Variants in DOCK3 observed in about 807,000 individuals in gnomAD.
The protein encoded by DOCK3 is dedicator of cytokinesis protein 3.
In DOCK3, 60 loss-of-function variants were observed where a neutral mutation model predicts 265.6. That is an observed-to-expected ratio of 0.23 (90% confidence interval 0.18 to 0.28). The LOEUF (loss-of-function observed/expected upper bound fraction) is 0.28. Ranked by LOEUF, DOCK3 falls within the 10% of genes least tolerant of loss-of-function variation. The pLI is 1.00. For missense variants in DOCK3, 1,981 were observed against 2,594.3 expected (o/e 0.76, Z 5.14); for synonymous variants, 881 against 938.0 (o/e 0.94, Z 1.11).
chr3:51,316,933 T>G (rs989677948), intron 32 of DOCK3, among the ~76,000 whole-genome samples: 13 of 152,198 alleles, frequency 8.5e-5, no homozygotes, highest in Non-Finnish European at 1.8e-4. Flanking sequence ...AACAATATCT[T>G]TCTTAGAACA....
At chr3:51,312,139 A>G (rs998560545) in intron 29 of DOCK3, 60 bp downstream of exon 29, 12 of 1,443,754 alleles carry the variant, frequency 8.3e-6, no homozygotes, top group Non-Finnish European at 1.1e-5. Flanking sequence ...GCCAAAACCA[A>G]GCTCACTTGT....
chr3:50,992,559 A>C (rs777453701), intron 5 of DOCK3, among the ~76,000 whole-genome samples: 8 of 152,348 alleles, frequency 5.3e-5, no homozygotes, highest in Admixed American at 3.9e-4. Flanking sequence ...AGCCTCCCAA[A>C]GTGCTGGGAT....
rs1445293818 is a variant in DOCK3 at position 50,766,857 on chromosome 3, A to G, written c.38-11818A>G. 2.0e-5 allele frequency among the ~76,000 whole-genome samples: 3 copies of G among 152,150 alleles called. No individual in the cohort carries two copies. In the East Asian group the frequency reaches 5.8e-4, roughly 29 times the overall value. ...GTATCTCATTGTGGTTTTGATTTGC[A>G]TTTCTCTTATGACCAGTGATGAAGA... On this transcript the variant is annotated intron_variant, in intron 1 of 52. Transcript: ENST00000266037.
intron 27 of DOCK3, among the ~76,000 whole-genome samples, chr3:51,292,999 T>G (rs959360347): frequency 5.9e-5 from 9 of 152,186 alleles, no homozygotes. Context: ...TGGACAGATA[T>G]CTCATGTTTA....
intron 12 of DOCK3, among the ~76,000 whole-genome samples, chr3:51,179,630 T>C (rs1433058255): frequency 6.6e-6 from 1 of 152,168 alleles, no homozygotes; most frequent in Non-Finnish European, 1.5e-5. Context: ...GTAGTGTGGA[T>C]AAAAGTGCCA....
intron 23 of DOCK3, among the ~76,000 whole-genome samples, chr3:51,267,368 G>A (rs1185666078): frequency 1.3e-5 from 2 of 150,796 alleles, no homozygotes; most frequent in South Asian, 2.1e-4. Context: ...ACATGCGCAC[G>A]TATGGTTTTT....
intron 38 of DOCK3, among the ~76,000 whole-genome samples, chr3:51,348,161 A>G (rs113444418): frequency 0.02 from 3,064 of 152,278 alleles, 106 homozygotes; most frequent in African/African-American, 0.07. Context: ...CTCTTAATGA[A>G]GGCCACTGCA....
chr3:51,105,509 A>G (rs921010422), intron 9 of DOCK3, among the ~76,000 whole-genome samples: 1 of 152,244 alleles, frequency 6.6e-6, no homozygotes, highest in African/African-American at 2.4e-5. Context: ...AACAAATCAC[A>G]TATCAACAGG....
chr3:51,220,838 G>A (rs1447926914), intron 14 of DOCK3, among the ~76,000 whole-genome samples: 1 of 151,570 alleles, frequency 6.6e-6, no homozygotes, highest in African/African-American at 2.4e-5. Flanking sequence ...GGCCAAACTT[G>A]TTTGGGCCTT....
At chr3:51,270,258 T>C (rs572805676) in intron 23 of DOCK3, among the ~76,000 whole-genome samples, 2 of 152,308 alleles carry the variant, frequency 1.3e-5, no homozygotes, top group South Asian at 2.1e-4. Flanking sequence ...GCATCACTTA[T>C]GAAGAAAATA....
chr3:50,888,567 G>A (rs1553558570), intron 3 of DOCK3, among the ~76,000 whole-genome samples: 9 of 151,700 alleles, frequency 5.9e-5, no homozygotes, highest in African/African-American at 1.4e-4. Context: ...ATCCTAAGCC[G>A]AAAGAACAAA....
intron 40 of DOCK3, among the ~76,000 whole-genome samples, chr3:51,352,362 T>A (rs568934505): frequency 6.6e-6 from 1 of 152,218 alleles, no homozygotes; most frequent in African/African-American, 2.4e-5. Context: ...CAAGCAGGAA[T>A]GCTCCATCGT....
rs150112851 is a variant in DOCK3 at position 50,694,930 on chromosome 3, C to T, written c.37+19630C>T. On this transcript the variant is annotated intron_variant, in intron 1 of 52. Coordinates refer to ENST00000266037, the MANE Select transcript of DOCK3 (RefSeq NM_004947.5). ...CTTGAGGGCCTACCTTCATAAATAC[C>T]TTATATAGGATAGCTTTCTTTTTCC... 3.3e-3 allele frequency among the ~76,000 whole-genome samples: 504 copies of T among 152,290 alleles called. 1 individual carries two copies. The highest frequency in any genetic ancestry group is 0.012 in the African/African-American group (482 of 41,560).
At chr3:50,771,738 C>G (rs1217580853) in intron 1 of DOCK3, among the ~76,000 whole-genome samples, 1 of 152,132 alleles carries the variant, frequency 6.6e-6, no homozygotes, top group East Asian at 1.9e-4. Flanking sequence ...GTAGTCCCAG[C>G]TACTCGGGAG....
At chr3:51,070,189 T>C (rs1407859294) in intron 6 of DOCK3, among the ~76,000 whole-genome samples, 1 of 152,236 alleles carries the variant, frequency 6.6e-6, no homozygotes, top group African/African-American at 2.4e-5. Flanking sequence ...ATAAAGTGGA[T>C]TTGTTTTCAT....
rs1320750319 is a variant in DOCK3 at position 51,266,565 on chromosome 3, G to A, written c.2356-4250G>A. Among the ~76,000 whole-genome samples, 2 of 152,006 alleles carry A rather than the reference G, an allele frequency of 1.3e-5. 1 individual carries two copies. Among genetic ancestry groups the A allele is most frequent in the South Asian group, 4.1e-4 (2 of 4,834 alleles). ...CTGATCTTTGACAAACCTGACAAAA[G>A]AAGCAATGGGGAAAGGATTCCCTAT... On this transcript the variant is annotated intron_variant, in intron 23 of 52. Coordinates refer to ENST00000266037, the MANE Select transcript of DOCK3 (RefSeq NM_004947.5).
Position 51,180,445 on chromosome 3 carries a change from G to A in DOCK3, c.1037+19743G>A, listed in dbSNP as rs923087883. On this transcript the variant is annotated intron_variant, in intron 12 of 52. Coordinates refer to ENST00000266037, the MANE Select transcript of DOCK3 (RefSeq NM_004947.5). ...CAGCACAACTGCACTCGCTCTGGAGGTTGTAGGGAAGAATGTATTGTTTGC... is the reference window on the plus strand; with the variant it reads ...CAGCACAACTGCACTCGCTCTGGAGATTGTAGGGAAGAATGTATTGTTTGC... Among the ~76,000 whole-genome samples, 6 of 152,172 alleles carry A rather than the reference G, an allele frequency of 3.9e-5. 1 individual carries two copies. The highest frequency in any genetic ancestry group is 1.2e-4 in the African/African-American group (5 of 41,444).
chr3:50,729,217 G>T (rs191427189), intron 1 of DOCK3, among the ~76,000 whole-genome samples: 12 of 147,626 alleles, frequency 8.1e-5, no homozygotes, highest in African/African-American at 2.9e-4. Context: ...CCAGCTACTC[G>T]GGAGGCTTAA....
At chr3:51,058,902 CAT>C (rs1006732254) in intron 5 of DOCK3, among the ~76,000 whole-genome samples, 31 of 151,868 alleles carry the variant, frequency 2.0e-4, no homozygotes, top group African/African-American at 7.3e-4. Context: ...AAAATAATTA[CAT>C]ATATATGTAT....
Sources: allele counts gnomAD v4.1 joint callset (sites outside exome capture counted in the v4.1 genomes callset), GRCh38; gene constraint gnomAD v4.1.1; transcripts MANE v1.5; gene names NCBI Gene and HGNC (gene_info 2026-07-23, HGNC 2026-07-21).